Variants in SLC24A4 observed in about 807,000 individuals in gnomAD.
SLC24A4 encodes solute carrier family 24 member 4.
A neutral mutation model predicts 79.0 loss-of-function variants in SLC24A4; 53 were observed. The ratio of observed to expected loss-of-function variants is 0.67; its 90% CI spans 0.54 to 0.84. The LOEUF (loss-of-function observed/expected upper bound fraction) is 0.84, where lower values mean the gene tolerates loss of function less well. SLC24A4 is among the 40% of genes least tolerant of loss of function. The pLI, the probability that SLC24A4 is intolerant of heterozygous loss-of-function variation, is 0.00. For missense variants in SLC24A4, 731 were observed against 822.0 expected (o/e 0.89, Z 1.35); for synonymous variants, 323 against 323.8 (o/e 1.00, Z 0.03).
chr14:92,376,914 A>G (rs1660278717), intron 2 of SLC24A4, among the ~76,000 whole-genome samples: 2 of 152,200 alleles, frequency 1.3e-5, no homozygotes, highest in Non-Finnish European at 2.9e-5. Flanking sequence ...TGCACAGGCC[A>G]CACCCCAGGA....
intron 2 of SLC24A4, among the ~76,000 whole-genome samples, chr14:92,394,648 A>G (rs920237070): frequency 7.9e-5 from 12 of 152,212 alleles, no homozygotes; most frequent in African/African-American, 2.7e-4. Flanking sequence ...TGTTTGTACT[A>G]TAATACTTAA....
intron 2 of SLC24A4, among the ~76,000 whole-genome samples, chr14:92,406,516 T>C (rs1287142815): frequency 6.6e-6 from 1 of 152,194 alleles, no homozygotes; most frequent in African/African-American, 2.4e-5. Flanking sequence ...TGCCTGGACA[T>C]CCAGGCATTT....
chr14:92,345,501 G>A (rs1886474234), intron 2 of SLC24A4, among the ~76,000 whole-genome samples: 1 of 152,184 alleles, frequency 6.6e-6, no homozygotes, highest in Admixed American at 6.5e-5. Context: ...AGGAGTTCGA[G>A]ACCAGCCTGG....
rs1895596006 is a variant in SLC24A4, at chr14:92,490,045, G to C, written c.1538-1620G>C. Among the ~76,000 whole-genome samples, 1 of 152,124 alleles carries C rather than the reference G, an allele frequency of 6.6e-6. No homozygotes were observed. Among genetic ancestry groups the C allele is most frequent in the Admixed American group, 6.5e-5 (1 of 15,272 alleles). ...GCAGGCTGGGAGGAGGAGTGTAAGG[G>C]GCCAACAGATGACAGCAACAAGCAG... On this transcript the variant is annotated intron_variant, in intron 14 of 16. Transcript: ENST00000532405. The surrounding 1 kb of genome is among the most constrained non-coding windows in gnomAD (Gnocchi z 4.3).
intron 12 of SLC24A4, among the ~76,000 whole-genome samples, chr14:92,471,403 T>C (rs1290692255): frequency 9.2e-5 from 14 of 152,112 alleles, no homozygotes; most frequent in Admixed American, 9.2e-4. Context: ...GACCTGTCCA[T>C]AGCCACCCCT....
intron 2 of SLC24A4, among the ~76,000 whole-genome samples, chr14:92,336,209 G>A (rs1026457051): frequency 6.6e-6 from 1 of 151,902 alleles, no homozygotes; most frequent in African/African-American, 2.4e-5. Flanking sequence ...GCCATTTGTT[G>A]CCTTGGGTGA....
At chr14:92,400,393 C>T (rs1331119490) in intron 2 of SLC24A4, among the ~76,000 whole-genome samples, 5 of 140,552 alleles carry the variant, frequency 3.6e-5, no homozygotes, top group East Asian at 2.2e-4. Flanking sequence ...GAGCCGAGAT[C>T]GTGCCACTGC....
chr14:92,434,084 C>A, intron 3 of SLC24A4, 96 bp downstream of exon 3: 1 of 942,004 alleles, frequency 1.1e-6, no homozygotes, highest in Non-Finnish European at 1.7e-6. Flanking sequence ...ATCTTTTATT[C>A]TTGTAACAGC....
At chr14:92,343,590 T>TTCTTTCTC (rs1273432167) in intron 2 of SLC24A4, among the ~76,000 whole-genome samples, 1 of 121,396 alleles carries the variant, frequency 8.2e-6, no homozygotes, top group African/African-American at 3.1e-5. Flanking sequence ...TTTTCTTTCT[T>TTCTTTCTC]TCTTTCTTTC....
intron 3 of SLC24A4, among the ~76,000 whole-genome samples, chr14:92,437,208 T>G (rs1437822887): frequency 6.6e-6 from 1 of 152,206 alleles, no homozygotes; most frequent in East Asian, 1.9e-4. Context: ...CCTCATATTC[T>G]CTGTTTTCCA....
At chr14:92,347,932 C>CA (rs1210684295) in intron 2 of SLC24A4, among the ~76,000 whole-genome samples, 1 of 151,566 alleles carries the variant, frequency 6.6e-6, no homozygotes, top group Non-Finnish European at 1.5e-5. Context: ...TCTAAAAAAA[C>CA]AAAAAACAAA....
At chr14:92,492,995 CACACACACACACACACACACACAG>C (rs1411234581) in intron 16 of SLC24A4, 8 of 381,104 alleles carry the variant, frequency 2.1e-5, no homozygotes, top group East Asian at 7.6e-5. Context: ...CACACACACA[CACACACACACACACACACACACAG>C]AGAAAGATTT....
intron 2 of SLC24A4, among the ~76,000 whole-genome samples, chr14:92,329,847 C>T (rs1356690702): frequency 1.3e-5 from 2 of 152,212 alleles, no homozygotes; most frequent in Non-Finnish European, 2.9e-5. Flanking sequence ...ATGTCACTAA[C>T]ATTACTCACT....
chr14:92,447,997 A>G (rs1296691294), intron 9 of SLC24A4, among the ~76,000 whole-genome samples: 1 of 152,202 alleles, frequency 6.6e-6, no homozygotes, highest in African/African-American at 2.4e-5. Context: ...AGAAAAAGGA[A>G]TAACGTTCTG....
At chr14:92,376,595 C>G (rs1285768299) in intron 2 of SLC24A4, among the ~76,000 whole-genome samples, 1 of 152,230 alleles carries the variant, frequency 6.6e-6, no homozygotes, top group Admixed American at 6.5e-5. Flanking sequence ...CCATACCTGT[C>G]CAGCCCCTGC....
At chr14:92,402,751 G>A (rs751529672) in intron 2 of SLC24A4, among the ~76,000 whole-genome samples, 3 of 152,114 alleles carry the variant, frequency 2.0e-5, no homozygotes, top group Non-Finnish European at 2.9e-5. Context: ...AAAGCCATCA[G>A]ATCTTGTGAG....
At chr14:92,448,991 A>G (rs1892971996) in intron 9 of SLC24A4, 83 bp from the exon 10 acceptor site, 1 of 1,539,042 alleles carries the variant, frequency 6.5e-7, no homozygotes, top group East Asian at 2.3e-5. Flanking sequence ...GACTGCGTGC[A>G]GGGATGGGGT....
Position 92,491,651 on chromosome 14 carries a change from G to T in SLC24A4, c.1538-14G>T. On this transcript the variant is annotated splice_polypyrimidine_tract_variant and intron_variant, in intron 14 of 16. Transcript: ENST00000532405. ...CCTGCTCTTATAAAATAAATGTGTTGTTGTCCCCTGCAGGCCTTGGGGACA... is the reference window on the plus strand; with the variant it reads ...CCTGCTCTTATAAAATAAATGTGTTTTTGTCCCCTGCAGGCCTTGGGGACA... The T allele has an allele frequency of 1.3e-6, 2 of 1,559,874 alleles. No homozygotes were observed. The highest frequency in any genetic ancestry group is 1.8e-6 in the Non-Finnish European group (2 of 1,130,686).
At position 92,343,592 on chromosome 14, in the gene SLC24A4, C is replaced by CTTTT; in HGVS notation, c.241+17617_241+17618insTTTT. Among the ~76,000 whole-genome samples the CTTTT allele has an allele frequency of 1.6e-5, 2 of 122,792 alleles. 1 individual carries two copies. The highest frequency in any genetic ancestry group is 7.9e-3 in the Middle Eastern group (2 of 254). 80.6% of individuals were successfully genotyped at this position (122,792 alleles called of 152,430 possible). A position where few individuals can be genotyped will look rare whatever the true frequency, so the allele number is the denominator to read the frequency against. ...TCATTAATTACTGTTTTCTTTCTTT[C>CTTTT]TTTCTTTCTTTCTTTCTTTCTTTCT... On this transcript the variant is annotated intron_variant, in intron 2 of 16. Coordinates refer to ENST00000532405, the MANE Select transcript of SLC24A4 (RefSeq NM_153646.4).
Sources: gnomAD v4.1 joint callset for allele counts (sites outside exome capture counted in the v4.1 genomes callset) on GRCh38, gnomAD v4.1.1 for gene constraint, Gnocchi (gnomAD v3.1) non-coding constraint, MANE v1.5 for transcripts, NCBI Gene and HGNC (gene_info 2026-07-23, HGNC 2026-07-21) for gene names.